Variants in WDR25 observed in about 807,000 individuals in gnomAD.
WDR25 encodes the protein WD repeat domain 25.
In WDR25, 35 loss-of-function variants were observed where a neutral mutation model predicts 47.7. The observed-to-expected ratio is 0.73, with a 90% CI of 0.56 to 0.97. The LOEUF (loss-of-function observed/expected upper bound fraction) is 0.97, where lower values mean the gene tolerates loss of function less well. Among genes scored for constraint, WDR25 ranks in the 50% least tolerant of loss-of-function variants. The probability of loss-of-function intolerance (pLI) is 0.00; values close to 1 mark genes in which losing one functional copy is unlikely to be tolerated. For missense variants in WDR25, 634 were observed against 704.7 expected, an observed-to-expected ratio of 0.90 and a Z score of 1.14; for synonymous variants, 248 against 278.9, an observed-to-expected ratio of 0.89 and a Z score of 1.10.
chr14:100,426,687 C>T (rs1898178800), intron 2 of WDR25, among the ~76,000 whole-genome samples: 1 of 152,176 alleles, frequency 6.6e-6, no homozygotes, highest in African/African-American at 2.4e-5. Flanking sequence ...TTTCCTGGTC[C>T]CAGAGTCCGG....
intron 4 of WDR25, among the ~76,000 whole-genome samples, chr14:100,496,037 C>T (rs1319720742): frequency 1.3e-5 from 2 of 152,194 alleles, no homozygotes; most frequent in Admixed American, 6.5e-5. Flanking sequence ...AGACTGTTTT[C>T]CAAAGTGGTT....
intron 2 of WDR25, among the ~76,000 whole-genome samples, chr14:100,451,009 A>G (rs915552826): frequency 1.3e-5 from 2 of 152,184 alleles, no homozygotes; most frequent in Non-Finnish European, 2.9e-5. Flanking sequence ...CTGAGAAATT[A>G]CAGAGAATGG....
intron 2 of WDR25, among the ~76,000 whole-genome samples, chr14:100,447,919 C>T (rs893729353): frequency 1.3e-5 from 2 of 152,086 alleles, no homozygotes; most frequent in Non-Finnish European, 1.5e-5. Flanking sequence ...ATGGGCTGGG[C>T]GTGGTGGCTC....
intron 2 of WDR25, among the ~76,000 whole-genome samples, chr14:100,462,639 G>A (rs78779493): frequency 0.058 from 8,792 of 152,236 alleles, 608 homozygotes; most frequent in African/African-American, 0.17. Flanking sequence ...CTCCTTACAT[G>A]TTTCCGTGGC....
chr14:100,490,798 A>G (rs1040183740), intron 4 of WDR25, among the ~76,000 whole-genome samples: 1 of 152,210 alleles, frequency 6.6e-6, no homozygotes, highest in African/African-American at 2.4e-5. Flanking sequence ...AAGTGCCATC[A>G]GTTTTGTGGC....
At position 100,484,044 on chromosome 14, in the gene WDR25, T is replaced by G; in HGVS notation, c.1021T>G (p.Phe341Val). ...TGACTTTAGAATCACTACCTTGAAA[T>G]TCCATCCAAAAGACCACAACATCTT... ...RSDFRITTLK[F>V]HPKDHNIFLC... is the part of the protein sequence containing the mutation. The change falls in exon 4 of 7, where the codon TTC (phenylalanine) becomes GTC (valine). Residue 341 changes from phenylalanine (F) to valine (V), a missense_variant. By Grantham distance (50) the Phe-to-Val change is conservative (BLOSUM62 -1). Transcript: ENST00000402312. The G allele has an allele frequency of 6.2e-7, 1 of 1,613,880 alleles. No individual in the cohort carries two copies. Among genetic ancestry groups the G allele is most frequent in the Non-Finnish European group, 8.5e-7 (1 of 1,179,942 alleles).
chr14:100,514,188 G>A (rs1303600722), intron 4 of WDR25, among the ~76,000 whole-genome samples: 3 of 151,864 alleles, frequency 2.0e-5, no homozygotes, highest in Non-Finnish European at 2.9e-5. Flanking sequence ...CGCCCGCCTC[G>A]GCCTCCCAAA....
At chr14:100,495,163 T>C (rs1450678470) in intron 4 of WDR25, among the ~76,000 whole-genome samples, 1 of 152,158 alleles carries the variant, frequency 6.6e-6, no homozygotes. Context: ...GAGACCAGCC[T>C]GGTCAACATG....
At chr14:100,384,735 G>C (rs1370127926) in intron 2 of WDR25, among the ~76,000 whole-genome samples, 3 of 152,160 alleles carry the variant, frequency 2.0e-5, no homozygotes, top group Non-Finnish European at 4.4e-5. Flanking sequence ...AAAGAGGCGG[G>C]TGCAGCAGTA....
At chr14:100,501,830 T>C (rs968371116) in intron 4 of WDR25, among the ~76,000 whole-genome samples, 2 of 152,128 alleles carry the variant, frequency 1.3e-5, no homozygotes, top group African/African-American at 4.8e-5. Flanking sequence ...GCACTGAATG[T>C]GGGGGCTCAC....
chr14:100,403,565 A>C (rs984778913), intron 2 of WDR25, among the ~76,000 whole-genome samples: 1 of 152,244 alleles, frequency 6.6e-6, no homozygotes, highest in African/African-American at 2.4e-5. Flanking sequence ...GTGTATGGTC[A>C]GGAGATAGCA....
chr14:100,456,674 T>C (rs1899215132), intron 2 of WDR25, among the ~76,000 whole-genome samples: 1 of 152,150 alleles, frequency 6.6e-6, no homozygotes, highest in Non-Finnish European at 1.5e-5. Context: ...CTTGAAGTCA[T>C]AGAAGCTATC....
At chr14:100,522,504 C>G (rs1457607561) in intron 4 of WDR25, among the ~76,000 whole-genome samples, 2 of 152,314 alleles carry the variant, frequency 1.3e-5, no homozygotes, top group East Asian at 3.9e-4. Flanking sequence ...TGCCTTGCAT[C>G]TTGGCACTGG....
In WDR25 at chr14:100,448,997, A is replaced by G. The variant is rs58870472; in HGVS notation, c.823-19024A>G. 4.9e-3 allele frequency among the ~76,000 whole-genome samples: 750 copies of G among 152,146 alleles called. 10 individuals are homozygous for G. The highest frequency in any genetic ancestry group is 0.017 in the African/African-American group (705 of 41,528). ...GGAACAGAGTGAGTTTGGGAAACGC[A>G]CCTAGAAAGTGGCGTGCAAGGACGA... On this transcript the variant is annotated intron_variant, in intron 2 of 6. Transcript: ENST00000402312.
chr14:100,482,907 C>T (rs1900254226), intron 3 of WDR25, among the ~76,000 whole-genome samples: 1 of 152,228 alleles, frequency 6.6e-6, no homozygotes, highest in Admixed American at 6.5e-5. Context: ...GGTTCTTCCT[C>T]CTGCGCTGTG....
rs770380342 is a variant in WDR25, at chr14:100,380,901, T to C, written c.-15-9T>C. 12 of 1,600,340 alleles carry C rather than the reference T, an allele frequency of 7.5e-6. No homozygotes were observed. In the South Asian group the frequency reaches 1.3e-4, roughly 18 times the overall value. On this transcript the variant is annotated splice_polypyrimidine_tract_variant and intron_variant, in intron 1 of 6. Coordinates refer to ENST00000402312, the MANE Select transcript of WDR25 (RefSeq NM_001161476.3). ...ACATTTTCTGACGGTTGACCTTGTT[T>C]GATCTTAGGTGGTTTGGCTTTGAAT... is the stretch of plus-strand genomic sequence containing the variant.
At chr14:100,519,743 GTATA>G (rs1156801389) in intron 4 of WDR25, among the ~76,000 whole-genome samples, 3 of 124,644 alleles carry the variant, frequency 2.4e-5, no homozygotes, top group African/African-American at 3.9e-5. Flanking sequence ...TGTATATATA[GTATA>G]TATATAGTGT....
chr14:100,529,687 C>T lies in WDR25; in HGVS notation c.1414-133C>T. ...TCATGGGCGGGACCTGGGCTTTGGC[C>T]TCAGGGACACGAGGTGCGAAGCCCA... On this transcript the variant is annotated intron_variant, in intron 6 of 6. Coordinates refer to ENST00000402312, the MANE Select transcript of WDR25 (RefSeq NM_001161476.3). The surrounding 1 kb of genome is among the most constrained non-coding windows in gnomAD (Gnocchi z 5.1). The T allele has an allele frequency of 9.6e-7, 1 of 1,046,698 alleles. No individual in the cohort carries two copies. Among genetic ancestry groups the T allele is most frequent in the East Asian group, 2.6e-5 (1 of 38,230 alleles). The allele number at this position is 1,046,698 out of a possible 1,614,324, so 64.8% of individuals were successfully genotyped here. A position where few individuals can be genotyped will look rare whatever the true frequency, so the allele number is the denominator to read the frequency against.
chr14:100,471,405 T>G (rs751743978), intron 3 of WDR25, among the ~76,000 whole-genome samples: 1 of 152,188 alleles, frequency 6.6e-6, no homozygotes, highest in Non-Finnish European at 1.5e-5. Context: ...CTACCTTATC[T>G]CTGCACATCC....
Sources: allele counts gnomAD v4.1 joint callset (sites outside exome capture counted in the v4.1 genomes callset), GRCh38; gene constraint gnomAD v4.1.1; non-coding constraint Gnocchi (gnomAD v3.1); transcripts MANE v1.5; gene names NCBI Gene and HGNC (gene_info 2026-07-23, HGNC 2026-07-21).